The following GDPD4 variants were observed in gnomAD, a reference collection of about 807,000 sequenced individuals.
GDPD4 encodes the protein glycerophosphodiester phosphodiesterase domain containing 4.
A neutral mutation model predicts 67.8 loss-of-function variants in GDPD4; 60 were observed. The observed-to-expected ratio is 0.88, with a 90% CI of 0.72 to 1.10. The LOEUF (loss-of-function observed/expected upper bound fraction) is 1.10, where lower values mean the gene tolerates loss of function less well. GDPD4 is among the 50% of genes least tolerant of loss of function. The probability of loss-of-function intolerance (pLI) is 0.00; values close to 1 mark genes in which losing one functional copy is unlikely to be tolerated. For synonymous variants in GDPD4, 212 were observed against 210.9 expected (o/e 1.00, Z -0.04); for missense variants, 623 against 613.9 (o/e 1.01, Z -0.16).
At chr11:77,254,195 C>T (rs1958959517) in intron 11 of GDPD4, among the ~76,000 whole-genome samples, 1 of 152,178 alleles carries the variant, frequency 6.6e-6, no homozygotes, top group South Asian at 2.1e-4. Flanking sequence ...CCCAGCTGGG[C>T]TTAGGGCCTG....
intron 1 of GDPD4, among the ~76,000 whole-genome samples, chr11:77,296,105 G>T (rs1352365861): frequency 6.6e-6 from 1 of 151,510 alleles, no homozygotes. Flanking sequence ...CAAAAAATTA[G>T]CCAGGCATGG....
chr11:77,227,927 G>T lies in GDPD4; in HGVS notation c.1473-11C>A. 1 of 1,604,012 alleles carries T rather than the reference G, an allele frequency of 6.2e-7. No individual in the cohort carries two copies. Among genetic ancestry groups the T allele is most frequent in the Non-Finnish European group, 8.5e-7 (1 of 1,170,940 alleles). ...TCAGTCTCTCTCCGCCTAGAAGGAA[G>T]CAGACCATCCATGAAATGAAGGGGT... On this transcript the variant is annotated splice_polypyrimidine_tract_variant and intron_variant, in intron 15 of 16. Coordinates refer to ENST00000315938, the MANE Select transcript of GDPD4 (RefSeq NM_182833.3).
chr11:77,231,993 G>C (rs1348866699), intron 14 of GDPD4, among the ~76,000 whole-genome samples: 2 of 152,178 alleles, frequency 1.3e-5, no homozygotes, highest in Non-Finnish European at 2.9e-5. Flanking sequence ...ACTGTGCCTT[G>C]ACTCTGGATC....
rs112572363 is a variant in GDPD4 at position 77,250,926 on chromosome 11, G to A, written c.865-5424C>T. ...ATAATGACCTTCTTTGTCTTTCTAT[G>A]GTTTTGGAACTAAACTCTGTTTTAT... On this transcript the variant is annotated intron_variant, in intron 11 of 16. Coordinates refer to ENST00000315938, the MANE Select transcript of GDPD4 (RefSeq NM_182833.3). Among the ~76,000 whole-genome samples, 508 of 152,070 alleles carry A rather than the reference G, an allele frequency of 3.3e-3. 1 individual carries two copies. The highest frequency in any genetic ancestry group is 0.011 in the African/African-American group (474 of 41,482).
intron 11 of GDPD4, among the ~76,000 whole-genome samples, chr11:77,257,941 G>A (rs1046220460): frequency 6.6e-6 from 1 of 152,166 alleles, no homozygotes; most frequent in African/African-American, 2.4e-5. Context: ...ATACTAGCCT[G>A]TGAATTCCAT....
intron 11 of GDPD4, among the ~76,000 whole-genome samples, chr11:77,256,509 T>C (rs1959007136): frequency 6.6e-6 from 1 of 152,178 alleles, no homozygotes; most frequent in African/African-American, 2.4e-5. Flanking sequence ...CAATACTAAT[T>C]AATACAATGA....
intron 11 of GDPD4, among the ~76,000 whole-genome samples, chr11:77,255,750 A>C (rs192664561): frequency 6.6e-6 from 1 of 151,896 alleles, no homozygotes; most frequent in African/African-American, 2.4e-5. Context: ...AATCCCAATT[A>C]CTCGAGAGGC....
rs531818383 is a variant in GDPD4, at chr11:77,243,583, CCA to C, written c.1241+109_1241+110del. 1.6e-4 allele frequency: 153 copies of C among 931,252 alleles called. No homozygotes were observed. The East Asian group carries it at 1.7e-3, about 10-fold the overall frequency. 57.7% of individuals were successfully genotyped at this position (931,252 alleles called of 1,614,324 possible). A position where few individuals can be genotyped will look rare whatever the true frequency, so the allele number is the denominator to read the frequency against. On this transcript the variant is annotated intron_variant, in intron 13 of 16. Transcript: ENST00000315938. ...AAGAAAGGAGATTCAAAGGAGATAACCACACACAGAAATTCCGAGATGGAAAG... is the reference window on the plus strand; with the variant it reads ...AAGAAAGGAGATTCAAAGGAGATAACCACACAGAAATTCCGAGATGGAAAG...
At chr11:77,281,731 A>C (rs1366354956) in intron 3 of GDPD4, among the ~76,000 whole-genome samples, 6 of 152,202 alleles carry the variant, frequency 3.9e-5, no homozygotes, top group Admixed American at 2.0e-4. Flanking sequence ...ACAGGGTTAC[A>C]TTCTAGGAGT....
At chr11:77,257,696 T>A (rs181697868) in intron 11 of GDPD4, among the ~76,000 whole-genome samples, 3 of 152,216 alleles carry the variant, frequency 2.0e-5, no homozygotes. Flanking sequence ...GTGCATAAAG[T>A]ATTCCCCAAC....
chr11:77,246,404 T>C (rs1411487395), intron 11 of GDPD4, among the ~76,000 whole-genome samples: 1 of 152,226 alleles, frequency 6.6e-6, no homozygotes, highest in Non-Finnish European at 1.5e-5. Flanking sequence ...CTAATGTATG[T>C]AAAAATAGCT....
chr11:77,252,738 A>G (rs747492701), intron 11 of GDPD4, among the ~76,000 whole-genome samples: 7 of 152,166 alleles, frequency 4.6e-5, no homozygotes, highest in Non-Finnish European at 1.0e-4. Context: ...GTTCCTGGGT[A>G]GGTGCAGTGG....
chr11:77,285,796 T>C (rs896532116), intron 2 of GDPD4, among the ~76,000 whole-genome samples: 7 of 152,172 alleles, frequency 4.6e-5, no homozygotes, highest in African/African-American at 1.7e-4. Flanking sequence ...TGATTCAAGA[T>C]CACACAGCTA....
intron 8 of GDPD4, 27 bp from the exon 9 acceptor site, chr11:77,269,096 T>C (rs1294663712): frequency 1.9e-5 from 31 of 1,605,622 alleles, no homozygotes; most frequent in Non-Finnish European, 2.5e-5. Context: ...GAAGGGGAAG[T>C]GGGGGAAAAA....
chr11:77,274,679 T>G (rs761776072), intron 5 of GDPD4, among the ~76,000 whole-genome samples: 3 of 152,194 alleles, frequency 2.0e-5, no homozygotes, highest in Non-Finnish European at 4.4e-5. Context: ...TTACCCAATC[T>G]CAGGTATTCC....
chr11:77,271,482 G>T, intron 5 of GDPD4, 89 bp from the exon 6 acceptor site: 1 of 743,754 alleles, frequency 1.3e-6, no homozygotes, highest in Non-Finnish European at 2.3e-6. Flanking sequence ...TCTTCACAAT[G>T]TCAGGGACCT....
intron 5 of GDPD4, among the ~76,000 whole-genome samples, chr11:77,272,498 G>A (rs1220102591): frequency 2.6e-5 from 4 of 152,176 alleles, no homozygotes; most frequent in African/African-American, 9.6e-5. Context: ...GTGGCAGGCT[G>A]GGAGCAGCGG....
intron 1 of GDPD4, among the ~76,000 whole-genome samples, chr11:77,292,323 ACTC>A (rs1937806664): frequency 6.6e-6 from 1 of 152,080 alleles, no homozygotes; most frequent in Non-Finnish European, 1.5e-5. Flanking sequence ...GAGTTGGAAA[ACTC>A]CTAAATATTT....
intron 11 of GDPD4, among the ~76,000 whole-genome samples, chr11:77,256,412 A>G (rs940976177): frequency 6.6e-6 from 1 of 152,262 alleles, no homozygotes; most frequent in African/African-American, 2.4e-5. Context: ...ATATGGAAAT[A>G]GCATGGATAG....
Sources: allele counts gnomAD v4.1 joint callset (sites outside exome capture counted in the v4.1 genomes callset), GRCh38; gene constraint gnomAD v4.1.1; transcripts MANE v1.5; gene names NCBI Gene and HGNC (gene_info 2026-07-23, HGNC 2026-07-21).